The following RIMS1 variants were observed in gnomAD, a reference collection of about 807,000 sequenced individuals.
RIMS1 encodes regulating synaptic membrane exocytosis protein 1.
RIMS1 carries 83 observed loss-of-function variants against 214.1 expected under a neutral mutation model. The ratio of observed to expected loss-of-function variants is 0.39; its 90% CI spans 0.32 to 0.47. The LOEUF (loss-of-function observed/expected upper bound fraction) is 0.47, where lower values mean the gene tolerates loss of function less well. RIMS1 is among the 20% of genes least tolerant of loss of function. RIMS1 has a pLI of 0.99. For synonymous variants in RIMS1, 793 were observed against 786.8 expected, an observed-to-expected ratio of 1.01 and a Z score of -0.13; for missense variants, 2,050 against 2,161.8, an observed-to-expected ratio of 0.95 and a Z score of 1.03.
chr6:72,214,021 A>G (rs949744929), intron 6 of RIMS1, among the ~76,000 whole-genome samples: 2 of 152,204 alleles, frequency 1.3e-5, no homozygotes, highest in African/African-American at 4.8e-5. Context: ...TAAAAAATGA[A>G]AATAGAAGGA....
In RIMS1 at chr6:72,097,605, C is replaced by A. The variant is rs188387150; in HGVS notation, c.459+443C>A. Among the ~76,000 whole-genome samples, 48 of 152,198 alleles carry A rather than the reference C, an allele frequency of 3.2e-4. 3 individuals carry two copies. The East Asian group carries it at 8.3e-3, about 26-fold the overall frequency. On this transcript the variant is annotated intron_variant, in intron 3 of 33. Transcript: ENST00000521978. The stretch of plus-strand genomic sequence containing the variant: ...TGTCATATATTAAGCAATGATTAGC[C>A]TCTATGAGAGTAAATTCAGATTTAC...
intron 1 of RIMS1, among the ~76,000 whole-genome samples, chr6:71,893,225 T>C (rs1037494339): frequency 1.3e-5 from 2 of 152,148 alleles, no homozygotes; most frequent in Admixed American, 6.5e-5. Context: ...GTTGCCAGGG[T>C]TGCAGCTCCC....
intron 2 of RIMS1, among the ~76,000 whole-genome samples, chr6:72,075,256 A>G (rs1418204336): frequency 6.6e-6 from 1 of 151,998 alleles, no homozygotes; most frequent in African/African-American, 2.4e-5. Context: ...TAATTAAAAA[A>G]ACAAAACAAA....
intron 29 of RIMS1, among the ~76,000 whole-genome samples, chr6:72,385,285 G>A (rs926958761): frequency 2.0e-5 from 3 of 151,934 alleles, no homozygotes; most frequent in East Asian, 3.9e-4. Flanking sequence ...TATTTTAATG[G>A]ACTATATTGA....
At chr6:72,120,079 G>GTCTTTACTATTGTGA (rs1363178322) in intron 4 of RIMS1, among the ~76,000 whole-genome samples, 56 of 151,830 alleles carry the variant, frequency 3.7e-4, no homozygotes, top group Non-Finnish European at 7.2e-4. Context: ...TCGGTTCCAA[G>GTCTTTACTATTGTGA]TCTTTACTAT....
intron 4 of RIMS1, among the ~76,000 whole-genome samples, chr6:72,101,136 G>A (rs1332805392): frequency 6.6e-6 from 1 of 151,834 alleles, no homozygotes; most frequent in Non-Finnish European, 1.5e-5. Context: ...GGCAGATTTG[G>A]TGATAAAATT....
intron 2 of RIMS1, among the ~76,000 whole-genome samples, chr6:71,995,889 C>T (rs1008182270): frequency 2.0e-5 from 3 of 152,166 alleles, no homozygotes; most frequent in African/African-American, 7.2e-5. Context: ...CCAGTTCAAG[C>T]GATTCTCCTT....
chr6:72,316,046 T>C (rs1045929668), intron 28 of RIMS1, among the ~76,000 whole-genome samples: 7 of 152,188 alleles, frequency 4.6e-5, no homozygotes, highest in Non-Finnish European at 1.0e-4. Flanking sequence ...AAGTTTTTTG[T>C]TCCTATCATG....
chr6:72,269,912 C>T lies in RIMS1; in HGVS notation c.3398+3863C>T, dbSNP rs569369439. Among the ~76,000 whole-genome samples, 212 of 152,212 alleles carry T rather than the reference C, an allele frequency of 1.4e-3. 2 individuals are homozygous for T. Among genetic ancestry groups the T allele is most frequent in the African/African-American group, 4.6e-3 (192 of 41,524 alleles). On this transcript the variant is annotated intron_variant, in intron 22 of 33. Transcript: ENST00000521978. Reference sequence around the variant, plus strand: ...GGTTAAATACCATATCTTTGTAAAACCCTTCTTAACCTCCTCCCCTGTCCT... The same window carrying T: ...GGTTAAATACCATATCTTTGTAAAATCCTTCTTAACCTCCTCCCCTGTCCT...
At chr6:72,295,666 G>C (rs2154260462) in intron 26 of RIMS1, among the ~76,000 whole-genome samples, 1 of 151,714 alleles carries the variant, frequency 6.6e-6, no homozygotes, top group South Asian at 2.1e-4. Flanking sequence ...AAATAATACA[G>C]AATATATTTT....
At chr6:72,128,067 CAA>C (rs1399639882) in intron 4 of RIMS1, among the ~76,000 whole-genome samples, 3 of 152,204 alleles carry the variant, frequency 2.0e-5, no homozygotes, top group African/African-American at 7.2e-5. Flanking sequence ...ATCCTTATGA[CAA>C]GAGGTTATTT....
chr6:71,920,196 GA>G (rs1482528142), intron 1 of RIMS1, among the ~76,000 whole-genome samples: 6 of 152,152 alleles, frequency 3.9e-5, no homozygotes, highest in African/African-American at 1.4e-4. Context: ...ATTCACATTA[GA>G]AATTCTTGGT....
chr6:71,960,748 G>C (rs1165035242), intron 1 of RIMS1, among the ~76,000 whole-genome samples: 2 of 152,080 alleles, frequency 1.3e-5, no homozygotes, highest in African/African-American at 4.8e-5. Flanking sequence ...GCAGGCTTCA[G>C]ATGTGTTTAC....
At position 72,183,009 on chromosome 6, in the gene RIMS1, C is replaced by A; in HGVS notation, c.1538C>A (p.Pro513Gln). The A allele has an allele frequency of 6.3e-7, 1 of 1,597,220 alleles. No homozygotes were observed. Reference sequence around the variant, plus strand: ...CAGTCCGAGTCGGTGCGGCCGTCCCCGCCCAAGCCGCACCGGTCCAAGAGA... The same window carrying A: ...CAGTCCGAGTCGGTGCGGCCGTCCCAGCCCAAGCCGCACCGGTCCAAGAGA... ...SDQSESVRPS[P>Q]PKPHRSKRGG... Residue 513 changes from proline to glutamine, a missense_variant, in exon 6 of 34, where the codon CCG becomes CAG. Pro to Gln is a moderately conservative substitution (Grantham distance 76). This residue lies in a region of RIMS1 where 882 missense variants were observed against 828.9 expected (regional missense o/e 1.06). Coordinates refer to ENST00000521978, the MANE Select transcript of RIMS1 (RefSeq NM_014989.7).
At chr6:71,968,810 C>A (rs2151334809) in intron 1 of RIMS1, among the ~76,000 whole-genome samples, 173 bp from the exon 2 acceptor site, 1 of 152,284 alleles carries the variant, frequency 6.6e-6, no homozygotes, top group South Asian at 2.1e-4. Flanking sequence ...CTTTTGGAAG[C>A]CTGAGTCAAA....
intron 2 of RIMS1, among the ~76,000 whole-genome samples, chr6:72,059,605 TATTG>T (rs760345448): frequency 1.3e-5 from 2 of 152,188 alleles, no homozygotes; most frequent in Non-Finnish European, 2.9e-5. Context: ...AAATTCAATT[TATTG>T]ATTGATTAAG....
chr6:72,262,453 G>C, intron 19 of RIMS1: 1 of 985,242 alleles, frequency 1.0e-6, no homozygotes, highest in Non-Finnish European at 1.2e-6. Context: ...ATAAGATAGG[G>C]AGTGGAAGGA....
intron 11 of RIMS1, 137 bp downstream of exon 11, chr6:72,245,998 CA>C: frequency 1.8e-6 from 1 of 559,410 alleles, no homozygotes; most frequent in Non-Finnish European, 3.1e-6. Context: ...TAGATGTTGG[CA>C]ATGATGGCAA....
intron 2 of RIMS1, among the ~76,000 whole-genome samples, chr6:72,023,467 G>T (rs535481148): frequency 6.6e-6 from 1 of 152,006 alleles, no homozygotes; most frequent in Admixed American, 6.5e-5. Context: ...TCACTCTCAA[G>T]AAATCTAGAT....
Sources: gnomAD v4.1 joint callset for allele counts (sites outside exome capture counted in the v4.1 genomes callset) on GRCh38, gnomAD v4.1.1 for gene constraint, gnomAD v4.1.1 regional missense constraint, MANE v1.5 for transcripts, NCBI Gene and HGNC (gene_info 2026-07-23, HGNC 2026-07-21) for gene names.